The following ATP2B1 variants were observed in gnomAD, a reference collection of about 807,000 sequenced individuals.
ATP2B1 encodes plasma membrane calcium-transporting ATPase 1.
A neutral mutation model predicts 124.2 loss-of-function variants in ATP2B1; 14 were observed. The ratio of observed to expected loss-of-function variants is 0.11; its 90% CI spans 0.07 to 0.18. ATP2B1 has a LOEUF of 0.18. ATP2B1 is among the 10% of genes least tolerant of loss of function. ATP2B1 has a pLI of 1.00. For missense variants in ATP2B1, 763 were observed against 1,466.1 expected, an observed-to-expected ratio of 0.52 and a Z score of 7.83; for synonymous variants, 449 against 492.4, an observed-to-expected ratio of 0.91 and a Z score of 1.17.
chr12:89,597,589 C>T (rs150252415), intron 20 of ATP2B1, among the ~76,000 whole-genome samples: 1 of 152,288 alleles, frequency 6.6e-6, no homozygotes, highest in African/African-American at 2.4e-5. Context: ...ATCCTCTCTG[C>T]AGCTTCTCAA....
chr12:89,699,489 T>C (rs993775600), intron 1 of ATP2B1, among the ~76,000 whole-genome samples: 3 of 152,154 alleles, frequency 2.0e-5, no homozygotes, highest in African/African-American at 7.2e-5. Context: ...AATAAATGGT[T>C]GAAAGTTTGG....
chr12:89,610,664 AC>A, intron 13 of ATP2B1, 156 bp from the exon 14 acceptor site: 1 of 630,988 alleles, frequency 1.6e-6, no homozygotes, highest in Non-Finnish European at 2.8e-6. Flanking sequence ...TTGGGCATGG[AC>A]CCAGATCTAT....
intron 1 of ATP2B1, among the ~76,000 whole-genome samples, chr12:89,700,774 G>T (rs1273168450): frequency 6.6e-6 from 1 of 152,136 alleles, no homozygotes; most frequent in South Asian, 2.1e-4. Flanking sequence ...ATTAAAGCAG[G>T]AGCAAGTCTT....
At chr12:89,634,754 CAA>C (rs750686962) in intron 5 of ATP2B1, 22 bp downstream of exon 5, 1 of 1,559,544 alleles carries the variant, frequency 6.4e-7, no homozygotes, top group Non-Finnish European at 8.7e-7. Context: ...GGAAAGTGTT[CAA>C]AGATATAAAT....
intron 14 of ATP2B1, 137 bp from the exon 15 acceptor site, chr12:89,610,180 T>G: frequency 1.1e-6 from 1 of 891,648 alleles, no homozygotes; most frequent in Non-Finnish European, 1.7e-6. Context: ...ATTGCTTAGA[T>G]GTTGGGTGAG....
In ATP2B1 at chr12:89,603,484, GA is replaced by G; in HGVS notation, c.2848+227del. On this transcript the variant is annotated intron_variant, in intron 17 of 20. Coordinates refer to ENST00000428670, the MANE Select transcript of ATP2B1 (RefSeq NM_001366521.1). This position sits in a 1 kb window ranked among gnomAD's most constrained non-coding sequence, Gnocchi z 4.3. ...AGGATCACATATCTAAATTAGTGGA[GA>G]GCCAGGGTAAGACATCAGGACTGTT... 1 of 633,360 alleles carries G rather than the reference GA, an allele frequency of 1.6e-6. No homozygotes were observed. Among genetic ancestry groups the G allele is most frequent in the East Asian group, 2.8e-5 (1 of 36,362 alleles). The allele number at this position is 633,360 out of a possible 1,614,324, so 39.2% of individuals were successfully genotyped here. A position where few individuals can be genotyped will look rare whatever the true frequency, so the allele number is the denominator to read the frequency against.
chr12:89,686,380 T>C (rs912172440), intron 1 of ATP2B1, among the ~76,000 whole-genome samples: 1 of 152,142 alleles, frequency 6.6e-6, no homozygotes, highest in Non-Finnish European at 1.5e-5. Flanking sequence ...CCTTCTCAAA[T>C]TCCTTTCCTC....
chr12:89,643,229 C>T (rs1380742889), intron 2 of ATP2B1, among the ~76,000 whole-genome samples: 1 of 148,890 alleles, frequency 6.7e-6, no homozygotes, highest in Non-Finnish European at 1.5e-5. Flanking sequence ...TATGTATATA[C>T]GTATATATAT....
At chr12:89,609,863 TCAAC>T in intron 15 of ATP2B1, 70 bp downstream of exon 15, 1 of 1,344,394 alleles carries the variant, frequency 7.4e-7, no homozygotes. Flanking sequence ...AGTAATTTAG[TCAAC>T]AAACAAACAA....
intron 20 of ATP2B1, among the ~76,000 whole-genome samples, chr12:89,596,238 C>T (rs758136865): frequency 6.6e-6 from 1 of 151,918 alleles, no homozygotes; most frequent in Admixed American, 6.6e-5. Context: ...ATACACATTA[C>T]CCATGAGATA....
chr12:89,634,914 A>T lies in ATP2B1; in HGVS notation c.662-11T>A. On this transcript the variant is annotated splice_polypyrimidine_tract_variant and intron_variant, in intron 4 of 20. Transcript: ENST00000428670. Reference sequence around the variant, plus strand: ...CTGGAAGAAGATCACCTAAAATAAAAAGCATGATATACTAAACTTATAAAC... The same window carrying T: ...CTGGAAGAAGATCACCTAAAATAAATAGCATGATATACTAAACTTATAAAC... 1 of 1,611,146 alleles carries T rather than the reference A, an allele frequency of 6.2e-7. No individual in the cohort carries two copies. The highest frequency in any genetic ancestry group is 8.5e-7 in the Non-Finnish European group (1 of 1,179,058).
At chr12:89,611,891 G>A (rs1205670022) in intron 12 of ATP2B1, 2 of 152,372 alleles carry the variant, frequency 1.3e-5, no homozygotes, top group Admixed American at 6.5e-5. Flanking sequence ...ACTGTAAGAG[G>A]AGAGTCATAG....
At chr12:89,628,779 T>A (rs958835124) in intron 6 of ATP2B1, among the ~76,000 whole-genome samples, 1 of 152,094 alleles carries the variant, frequency 6.6e-6, no homozygotes, top group African/African-American at 2.4e-5. Context: ...CAAGAAGGAA[T>A]AGAAGCTCAA....
At chr12:89,617,932 G>T (rs957429105) in intron 11 of ATP2B1, among the ~76,000 whole-genome samples, 18 of 152,136 alleles carry the variant, frequency 1.2e-4, no homozygotes, top group African/African-American at 4.3e-4. Flanking sequence ...TCTACTATTA[G>T]CTCCTAAGTC....
rs752415349 is a variant in ATP2B1, at chr12:89,621,777, A to G, written c.1359T>C (p.Asp453=). The change falls in exon 10 of 21, where the codon GAT becomes GAC. Residue 453 remains aspartate, a synonymous_variant. Coordinates refer to ENST00000428670, the MANE Select transcript of ATP2B1 (RefSeq NM_001366521.1). The part of the protein sequence containing the change: ...LAYSVKKMMK[D]NNLVRHLDAC... ...CATCCAGATGCCTTACTAAGTTATT[A>G]TCTTTCATCATTTTCTACAGTGACC... 1 of 1,554,564 alleles carries G rather than the reference A, an allele frequency of 6.4e-7. No individual in the cohort carries two copies. Among genetic ancestry groups the G allele is most frequent in the South Asian group, 1.2e-5 (1 of 81,446 alleles).
rs138447861 is a variant in ATP2B1 at position 89,704,840 on chromosome 12, G to A, written c.-222+3756C>T. On this transcript the variant is annotated intron_variant, in intron 1 of 20. Coordinates refer to ENST00000428670, the MANE Select transcript of ATP2B1 (RefSeq NM_001366521.1). ...CCACCAGAAAAATTAAAATGTATAT[G>A]CCACTAAAGAATCAACGAAGAACAT... Among the ~76,000 whole-genome samples, 20 of 152,190 alleles carry A rather than the reference G, an allele frequency of 1.3e-4. No individual in the cohort carries two copies. In the East Asian group the frequency reaches 2.9e-3, roughly 22 times the overall value.
intron 1 of ATP2B1, among the ~76,000 whole-genome samples, chr12:89,687,533 G>A (rs985373283): frequency 1.1e-4 from 17 of 152,054 alleles, no homozygotes; most frequent in Non-Finnish European, 2.2e-4. Flanking sequence ...GTGGGTGGAG[G>A]TGGGGTGGTC....
At chr12:89,639,226 G>C (rs1883142585) in intron 3 of ATP2B1, among the ~76,000 whole-genome samples, 1 of 152,158 alleles carries the variant, frequency 6.6e-6, no homozygotes, top group South Asian at 2.1e-4. Context: ...ATGCAAGGCT[G>C]GGCACGGTGG....
intron 12 of ATP2B1, 115 bp downstream of exon 12, chr12:89,616,686 GA>G (rs113951213): frequency 0.053 from 35,774 of 670,916 alleles, 3 homozygotes; most frequent in East Asian, 0.076. Flanking sequence ...GGTTCACACA[GA>G]AAAAAAAAAA....
Sources: gnomAD v4.1 joint callset for allele counts (sites outside exome capture counted in the v4.1 genomes callset) on GRCh38, gnomAD v4.1.1 for gene constraint, Gnocchi (gnomAD v3.1) non-coding constraint, MANE v1.5 for transcripts, NCBI Gene and HGNC (gene_info 2026-07-23, HGNC 2026-07-21) for gene names.